Variants in TNIK observed in about 807,000 individuals in gnomAD.
TNIK encodes TRAF2 and NCK-interacting protein kinase.
Under a neutral mutation model 191.3 loss-of-function variants are expected in TNIK, and 49 were observed. The ratio of observed to expected loss-of-function variants is 0.26; its 90% CI spans 0.20 to 0.32. The LOEUF is 0.32. Among genes scored for constraint, TNIK ranks in the 10% least tolerant of loss-of-function variants. The probability of loss-of-function intolerance (pLI) is 1.00; values close to 1 mark genes in which losing one functional copy is unlikely to be tolerated. For synonymous variants in TNIK, 594 were observed against 600.9 expected (o/e 0.99, Z 0.17); for missense variants, 1,155 against 1,702.3 (o/e 0.68, Z 5.66).
At chr3:171,249,510 G>A (rs1277882083) in intron 2 of TNIK, among the ~76,000 whole-genome samples, 1 of 152,114 alleles carries the variant, frequency 6.6e-6, no homozygotes, top group Non-Finnish European at 1.5e-5. Context: ...GCAAATTAGG[G>A]GCCTCCTGCA....
rs2062498 is a variant in TNIK, at chr3:171,063,770, A to G, written c.*111T>C. On this transcript the variant is annotated 3_prime_UTR_variant, in exon 33 of 33. Coordinates refer to ENST00000436636, the MANE Select transcript of TNIK (RefSeq NM_015028.4). ...AGGGAGAGGAAAAAGGGAAAGCGAT[A>G]TGTTCAACCAAGCCTTCTGATTCTG... 906 of 1,039,208 alleles carry G rather than the reference A, an allele frequency of 8.7e-4. 9 individuals are homozygous for G. The Admixed American group carries it at 0.018, about 20-fold the overall frequency. The allele number at this position is 1,039,208 out of a possible 1,614,324, so 64.4% of individuals were successfully genotyped here. A position where few individuals can be genotyped will look rare whatever the true frequency, so the allele number is the denominator to read the frequency against.
chr3:171,285,013 C>T (rs560710033), intron 2 of TNIK, among the ~76,000 whole-genome samples: 1 of 152,194 alleles, frequency 6.6e-6, no homozygotes, highest in Admixed American at 6.5e-5. Flanking sequence ...ATTTTTAAAA[C>T]CTTCTTTCCT....
intron 29 of TNIK, among the ~76,000 whole-genome samples, chr3:171,069,894 C>T (rs903467852): frequency 8.8e-4 from 134 of 152,310 alleles, no homozygotes; most frequent in African/African-American, 3.1e-3. Flanking sequence ...GCGTCCTGTC[C>T]TTGTCCTATG....
chr3:171,064,035 A>G, intron 32 of TNIK, 71 bp from the exon 33 acceptor site: 2 of 1,436,320 alleles, frequency 1.4e-6, no homozygotes, highest in Non-Finnish European at 1.9e-6. Flanking sequence ...CCGTCCATCC[A>G]TTTTCTCTCA....
intron 1 of TNIK, among the ~76,000 whole-genome samples, chr3:171,412,561 C>T (rs924104995): frequency 2.0e-5 from 3 of 152,170 alleles, no homozygotes; most frequent in African/African-American, 7.2e-5. Flanking sequence ...CAGCATTTTA[C>T]AGATGAGGAA....
At chr3:171,108,911 G>A (rs1183704027) in intron 19 of TNIK, among the ~76,000 whole-genome samples, 2 of 152,230 alleles carry the variant, frequency 1.3e-5, no homozygotes, top group South Asian at 2.1e-4. Context: ...TGAGCTTACA[G>A]ATAGAGAAGA....
chr3:171,326,818 G>A (rs1011086230), intron 2 of TNIK, among the ~76,000 whole-genome samples: 3 of 152,160 alleles, frequency 2.0e-5, no homozygotes, highest in African/African-American at 7.2e-5. Context: ...TAGGATTTGT[G>A]CTACCATAGG....
At position 171,354,158 on chromosome 3, in the gene TNIK, T is replaced by C. The variant is rs116573917; in HGVS notation, c.123+15462A>G. 3.1e-3 allele frequency among the ~76,000 whole-genome samples: 468 copies of C among 152,272 alleles called. 4 individuals are homozygous for C. Among genetic ancestry groups the C allele is most frequent in the African/African-American group, 0.011 (447 of 41,552 alleles). Reference sequence around the variant, plus strand: ...CCAAATTCATTATATATATGTAATATATATGTAGATTTACACACCTTTGTA... The same window carrying C: ...CCAAATTCATTATATATATGTAATACATATGTAGATTTACACACCTTTGTA... On this transcript the variant is annotated intron_variant, in intron 2 of 32. Transcript: ENST00000436636.
chr3:171,283,746 AG>A (rs1384723344), intron 2 of TNIK, among the ~76,000 whole-genome samples: 2 of 152,228 alleles, frequency 1.3e-5, no homozygotes, highest in Admixed American at 6.5e-5. Context: ...CTGCAGCACC[AG>A]GAACTGGTTC....
At chr3:171,365,161 CTTTTTTTTTTTTTTTTTTTTTTTT>C (rs60887361) in intron 2 of TNIK, among the ~76,000 whole-genome samples, 12 of 31,914 alleles carry the variant, frequency 3.8e-4, no homozygotes, top group Non-Finnish European at 6.5e-4. Context: ...GGACTACATT[CTTTTTTTTTTTTTTTTTTTTTTTT>C]TTTTTTTTTT....
chr3:171,232,697 C>T (rs1050036757), intron 2 of TNIK, among the ~76,000 whole-genome samples: 3 of 152,152 alleles, frequency 2.0e-5, no homozygotes, highest in African/African-American at 7.2e-5. Flanking sequence ...GCCTTGGGGT[C>T]ACGGCTCAGC....
intron 2 of TNIK, among the ~76,000 whole-genome samples, chr3:171,247,346 A>G (rs1170867487): frequency 1.3e-5 from 2 of 152,248 alleles, no homozygotes; most frequent in East Asian, 3.8e-4. Context: ...AAGAATAAAT[A>G]AGTAGAATCA....
Position 171,313,272 on chromosome 3 carries a change from T to C in TNIK, c.123+56348A>G, listed in dbSNP as rs185825018. Among the ~76,000 whole-genome samples the C allele has an allele frequency of 1.7e-4, 25 of 150,438 alleles. No homozygotes were observed. In the East Asian group the frequency reaches 2.5e-3, roughly 15 times the overall value. The stretch of plus-strand genomic sequence containing the variant: ...TCTTTCTTTCTTTCTTTCTTTCTTT[T>C]TTTTTAAATAGCTGGGTTACACATA... On this transcript the variant is annotated intron_variant, in intron 2 of 32. Transcript: ENST00000436636.
At chr3:171,115,071 A>G (rs1004624749) in intron 18 of TNIK, among the ~76,000 whole-genome samples, 13 of 152,230 alleles carry the variant, frequency 8.5e-5, no homozygotes, top group African/African-American at 2.7e-4. Flanking sequence ...CTGCTCACCA[A>G]CTGTATTACA....
At chr3:171,120,904 T>C (rs185672331) in intron 18 of TNIK, among the ~76,000 whole-genome samples, 1 of 152,252 alleles carries the variant, frequency 6.6e-6, no homozygotes, top group East Asian at 1.9e-4. Flanking sequence ...GAGCAGCAGG[T>C]ATATTACGAC....
At chr3:171,130,794 A>G (rs1487827910) in intron 15 of TNIK, among the ~76,000 whole-genome samples, 1 of 152,148 alleles carries the variant, frequency 6.6e-6, no homozygotes, top group Non-Finnish European at 1.5e-5. Context: ...TATCCAAACC[A>G]CTTGTCACCC....
At chr3:171,184,764 G>A (rs1737149863) in intron 7 of TNIK, among the ~76,000 whole-genome samples, 1 of 152,192 alleles carries the variant, frequency 6.6e-6, no homozygotes, top group Non-Finnish European at 1.5e-5. Flanking sequence ...CTTAGAAGAA[G>A]TATTTCCACC....
intron 12 of TNIK, among the ~76,000 whole-genome samples, chr3:171,151,643 T>TA (rs1732445633): frequency 1.3e-5 from 2 of 152,218 alleles, no homozygotes; most frequent in African/African-American, 4.8e-5. Flanking sequence ...GTCACACACC[T>TA]AATAAGGAAG....
rs558972929 is a variant in TNIK, at chr3:171,366,089, A to G, written c.123+3531T>C. ...AACAAAAATGTGTCCAGATTCCATT[A>G]GGTTCCCAATAGATGGCATGCCAAT... On this transcript the variant is annotated intron_variant, in intron 2 of 32. Coordinates refer to ENST00000436636, the MANE Select transcript of TNIK (RefSeq NM_015028.4). The surrounding 1 kb of genome is among the most constrained non-coding windows in gnomAD (Gnocchi z 4.1). Among the ~76,000 whole-genome samples the G allele has an allele frequency of 2.0e-5, 3 of 152,346 alleles. No individual in the cohort carries two copies. Among genetic ancestry groups the G allele is most frequent in the African/African-American group, 2.4e-5 (1 of 41,588 alleles).
Sources: allele counts gnomAD v4.1 joint callset (sites outside exome capture counted in the v4.1 genomes callset), GRCh38; gene constraint gnomAD v4.1.1; non-coding constraint Gnocchi (gnomAD v3.1); transcripts MANE v1.5; gene names NCBI Gene and HGNC (gene_info 2026-07-23, HGNC 2026-07-21).